The following BMP8A variants were observed in gnomAD, a reference collection of about 807,000 sequenced individuals.
The protein encoded by BMP8A is bone morphogenetic protein 8a.
Under a neutral mutation model 36.8 loss-of-function variants are expected in BMP8A, and 14 were observed. The observed-to-expected ratio is 0.38, with a 90% CI of 0.25 to 0.60. BMP8A has a LOEUF of 0.60. BMP8A is among the 20% of genes least tolerant of loss of function. BMP8A has a pLI of 0.63. For missense variants in BMP8A, 267 were observed against 551.1 expected (o/e 0.48, Z 5.16); for synonymous variants, 120 against 237.7 (o/e 0.50, Z 4.55).
rs35892449 is a variant in BMP8A, at chr1:39,503,508, C to CTT, written c.335-7641_335-7640dup. ...TAGTGGCATTATGCTTACAGTCTTT[C>CTT]TTTTTTTTTTTTTTTTTTTTTTTTT... On this transcript the variant is annotated intron_variant, in intron 1 of 6. Transcript: ENST00000331593. 1.3e-3 allele frequency among the ~76,000 whole-genome samples: 88 copies of CTT among 69,986 alleles called. 3 individuals carry two copies. The highest frequency in any genetic ancestry group is 3.2e-3 in the African/African-American group (57 of 17,808). The allele number at this position is 69,986 out of a possible 152,430, so 45.9% of individuals were successfully genotyped here. A position where few individuals can be genotyped will look rare whatever the true frequency, so the allele number is the denominator to read the frequency against.
chr1:39,506,051 C>T (rs952016005), intron 1 of BMP8A, among the ~76,000 whole-genome samples: 1 of 149,900 alleles, frequency 6.7e-6, no homozygotes, highest in Non-Finnish European at 1.5e-5. Flanking sequence ...ACAGTCAGAT[C>T]GGAGGGGCCC....
chr1:39,516,778 C>G (rs532016330), intron 3 of BMP8A, among the ~76,000 whole-genome samples: 8,261 of 151,562 alleles, frequency 0.055, 314 homozygotes, highest in Non-Finnish European at 0.078. Flanking sequence ...CACAGCTCAG[C>G]GCATTCACAG....
At chr1:39,501,546 G>A (rs1460665765) in intron 1 of BMP8A, among the ~76,000 whole-genome samples, 3 of 151,946 alleles carry the variant, frequency 2.0e-5, no homozygotes, top group African/African-American at 7.3e-5. Context: ...TTTGTTTTGA[G>A]ACAGGGTCTC....
chr1:39,494,352 CTTT>C (rs573186363), intron 1 of BMP8A, among the ~76,000 whole-genome samples: 3 of 118,348 alleles, frequency 2.5e-5, no homozygotes, highest in Admixed American at 8.2e-5. Flanking sequence ...TTTCTTTTTT[CTTT>C]TTTTTTTTTT....
At position 39,526,043 on chromosome 1, in the gene BMP8A, C is replaced by T. The variant is rs573651009; in HGVS notation, c.*245C>T. On this transcript the variant is annotated 3_prime_UTR_variant, in exon 7 of 7. Coordinates refer to ENST00000331593, the MANE Select transcript of BMP8A (RefSeq NM_181809.4). ...GCACACAGCAGCCTCAGAGCCTGTG[C>T]TGACTGCACTGTCTGGAGTCAGCAC... is the stretch of plus-strand genomic sequence containing the variant. 8.4e-6 allele frequency: 5 copies of T among 594,308 alleles called. No homozygotes were observed. Among genetic ancestry groups the T allele is most frequent in the South Asian group, 4.1e-5 (2 of 48,510 alleles). The allele number at this position is 594,308 out of a possible 1,614,324, so 36.8% of individuals were successfully genotyped here.
chr1:39,491,813 G>C lies in BMP8A; in HGVS notation c.-179G>C, dbSNP rs1251527999. On this transcript the variant is annotated 5_prime_UTR_variant, in exon 1 of 7. Coordinates refer to ENST00000331593, the MANE Select transcript of BMP8A (RefSeq NM_181809.4). ...GTCCGCGTCAGCGTCCGCTTGTCCC[G>C]GAGCCGGGGCAGGTGCGCGCGGGGG... 7.9e-6 allele frequency: 3 copies of C among 382,126 alleles called. No individual in the cohort carries two copies. The highest frequency in any genetic ancestry group is 6.6e-5 in the African/African-American group (3 of 45,526). 23.7% of individuals were successfully genotyped at this position (382,126 alleles called of 1,614,324 possible). A position where few individuals can be genotyped will look rare whatever the true frequency, so the allele number is the denominator to read the frequency against.
chr1:39,504,539 CG>C (rs1645282728), intron 1 of BMP8A, among the ~76,000 whole-genome samples: 1 of 152,024 alleles, frequency 6.6e-6, no homozygotes, highest in African/African-American at 2.4e-5. Context: ...ATGTCTCAGT[CG>C]GTATAGTGTG....
At chr1:39,499,163 G>A (rs1645232184) in intron 1 of BMP8A, among the ~76,000 whole-genome samples, 2 of 152,234 alleles carry the variant, frequency 1.3e-5, no homozygotes, top group Non-Finnish European at 2.9e-5. Context: ...GGCCGGGAGA[G>A]GCTGAAAGCC....
chr1:39,522,289 GTCAT>G, intron 4 of BMP8A, 110 bp from the exon 5 acceptor site: 1 of 1,136,764 alleles, frequency 8.8e-7, no homozygotes, highest in Non-Finnish European at 1.2e-6. Flanking sequence ...ATGGTTTCCT[GTCAT>G]TCATTTATTT....
chr1:39,496,584 C>A (rs542992789), intron 1 of BMP8A, among the ~76,000 whole-genome samples: 1 of 152,152 alleles, frequency 6.6e-6, no homozygotes, highest in Non-Finnish European at 1.5e-5. Context: ...GCGATGCCCA[C>A]GTGCCCAGAA....
At position 39,528,767 on chromosome 1, in the gene BMP8A, T is replaced by C. The variant is rs1432436589; in HGVS notation, c.*2969T>C. On this transcript the variant is annotated 3_prime_UTR_variant, in exon 7 of 7. Transcript: ENST00000331593. ...CGCCCAGGCTGGAGTGCAGTGGCAGTGTCATGGCTCACTGCAGCCTCAACC... is the reference window on the plus strand; with the variant it reads ...CGCCCAGGCTGGAGTGCAGTGGCAGCGTCATGGCTCACTGCAGCCTCAACC... Among the ~76,000 whole-genome samples the C allele has an allele frequency of 6.6e-6, 1 of 151,168 alleles. No individual in the cohort carries two copies. Among genetic ancestry groups the C allele is most frequent in the Non-Finnish European group, 1.5e-5 (1 of 67,870 alleles).
intron 1 of BMP8A, among the ~76,000 whole-genome samples, chr1:39,508,491 A>G (rs1334057154): frequency 6.6e-6 from 1 of 152,142 alleles, no homozygotes; most frequent in Non-Finnish European, 1.5e-5. Flanking sequence ...AGATAAGGAG[A>G]CTGATATCAC....
intron 1 of BMP8A, among the ~76,000 whole-genome samples, chr1:39,492,855 A>T (rs1334030828): frequency 6.6e-6 from 1 of 151,798 alleles, no homozygotes; most frequent in East Asian, 1.9e-4. Flanking sequence ...GAAGGAGCAG[A>T]CTCAGCTCGC....
At chr1:39,510,994 C>T (rs1645348980) in intron 1 of BMP8A, among the ~76,000 whole-genome samples, 180 bp from the exon 2 acceptor site, 1 of 152,192 alleles carries the variant, frequency 6.6e-6, no homozygotes, top group South Asian at 2.1e-4. Context: ...GCCCTGTCTA[C>T]ACCCCGGGAC....
chr1:39,500,055 C>T (rs1645240161), intron 1 of BMP8A, among the ~76,000 whole-genome samples: 1 of 152,192 alleles, frequency 6.6e-6, no homozygotes, highest in Admixed American at 6.5e-5. Flanking sequence ...GATGAACTGG[C>T]CTTGCCTGTC....
rs1326328502 is a variant in BMP8A at position 39,527,062 on chromosome 1, A to T, written c.*1264A>T. Among the ~76,000 whole-genome samples, 1 of 152,212 alleles carries T rather than the reference A, an allele frequency of 6.6e-6. No individual in the cohort carries two copies. Among genetic ancestry groups the T allele is most frequent in the African/African-American group, 2.4e-5 (1 of 41,460 alleles). On this transcript the variant is annotated 3_prime_UTR_variant, in exon 7 of 7. Coordinates refer to ENST00000331593, the MANE Select transcript of BMP8A (RefSeq NM_181809.4). ...GCAGGGTGACTGGCAGTCTCCGGCC[A>T]GGCATGGGGCAAGGGTGGGGACTGC...
At chr1:39,510,007 C>G (rs1645339421) in intron 1 of BMP8A, among the ~76,000 whole-genome samples, 1 of 151,520 alleles carries the variant, frequency 6.6e-6, no homozygotes, top group Admixed American at 6.6e-5. Flanking sequence ...GCAGGCCAGC[C>G]CCTGCCACGG....
chr1:39,526,924 G>T lies in BMP8A; in HGVS notation c.*1126G>T, dbSNP rs1005521530. 6.6e-6 allele frequency among the ~76,000 whole-genome samples: 1 copy of T among 152,174 alleles called. No homozygotes were observed. Among genetic ancestry groups the T allele is most frequent in the Non-Finnish European group, 1.5e-5 (1 of 68,038 alleles). Reference sequence around the variant, plus strand: ...CCTACGTACCTTTCCCACTGAACCAGGACAGGGCCTCCAGGCCTCAGCACA... The same window carrying T: ...CCTACGTACCTTTCCCACTGAACCATGACAGGGCCTCCAGGCCTCAGCACA... On this transcript the variant is annotated 3_prime_UTR_variant, in exon 7 of 7. Coordinates refer to ENST00000331593, the MANE Select transcript of BMP8A (RefSeq NM_181809.4).
rs1645479089 is a variant in BMP8A, at chr1:39,525,905, C to T, written c.*107C>T. 4.5e-6 allele frequency: 7 copies of T among 1,540,608 alleles called. 1 individual carries two copies. In the South Asian group the frequency reaches 6.0e-5, roughly 13 times the overall value. On this transcript the variant is annotated 3_prime_UTR_variant, in exon 7 of 7. Coordinates refer to ENST00000331593, the MANE Select transcript of BMP8A (RefSeq NM_181809.4). ...ACAGCTCAAGCAGGAGTGTCAGGGGCCCTCACTCTCGGTGCCTACTTCCTG... is the reference window on the plus strand; with the variant it reads ...ACAGCTCAAGCAGGAGTGTCAGGGGTCCTCACTCTCGGTGCCTACTTCCTG...
Sources: allele counts gnomAD v4.1 joint callset (sites outside exome capture counted in the v4.1 genomes callset), GRCh38; gene constraint gnomAD v4.1.1; transcripts MANE v1.5; gene names NCBI Gene and HGNC (gene_info 2026-07-23, HGNC 2026-07-21).